ZNF69: variants seen among roughly 807,000 people sequenced by gnomAD.
The protein encoded by ZNF69 is zinc finger protein 69.
A neutral mutation model predicts 50.9 loss-of-function variants in ZNF69; 47 were observed. The observed-to-expected ratio is 0.92, with a 90% CI of 0.73 to 1.18. The LOEUF (loss-of-function observed/expected upper bound fraction) is 1.18. Ranked by LOEUF, ZNF69 falls within the 50% of genes most tolerant of loss-of-function variation. The pLI is 0.00. For missense variants in ZNF69, 717 were observed against 675.1 expected, an observed-to-expected ratio of 1.06 and a Z score of -0.69; for synonymous variants, 216 against 223.1, an observed-to-expected ratio of 0.97 and a Z score of 0.29.
chr19:11,942,233 C>T, the ZNF69 span, among the ~76,000 whole-genome samples: 3 of 151,066 alleles, frequency 2.0e-5, no homozygotes, highest in Admixed American at 2.0e-4. Flanking sequence ...GGGCTTTCCC[C>T]TGGACTTCCC....
the ZNF69 span, chr19:11,949,268 A>G: frequency 1.9e-6 from 3 of 1,614,178 alleles, no homozygotes; most frequent in Admixed American, 5.0e-5. Context: ...CACACTGGAG[A>G]GAAACCCTAT....
At chr19:11,967,180 A>G in the ZNF69 span, among the ~76,000 whole-genome samples, 3 of 152,126 alleles carry the variant, frequency 2.0e-5, no homozygotes, top group Non-Finnish European at 4.4e-5. Context: ...TCCAAAAATA[A>G]CAAAAATTAA....
the ZNF69 span, among the ~76,000 whole-genome samples, chr19:11,928,461 G>A: frequency 6.7e-6 from 1 of 149,770 alleles, no homozygotes; most frequent in Non-Finnish European, 1.5e-5. Flanking sequence ...GGCCGGGCGC[G>A]GTGGCTCACG....
the ZNF69 span, among the ~76,000 whole-genome samples, chr19:11,957,282 G>T: frequency 1.3e-4 from 20 of 151,564 alleles, no homozygotes; most frequent in African/African-American, 4.8e-4. Flanking sequence ...TTTTAGTAGA[G>T]ATGGGGTTTC....
At chr19:11,891,416 GGAAGGAAGGAA>G (rs1216091659) in intron 1 of ZNF69, among the ~76,000 whole-genome samples, 3 of 150,860 alleles carry the variant, frequency 2.0e-5, no homozygotes, top group Non-Finnish European at 4.4e-5. Context: ...AGGGAGGGAG[GGAAGGAAGGAA>G]GAAGGAAGGA....
chr19:11,902,331 T>C (rs557381230), intron 1 of ZNF69, among the ~76,000 whole-genome samples: 3 of 152,240 alleles, frequency 2.0e-5, no homozygotes, highest in Non-Finnish European at 2.9e-5. Flanking sequence ...TATATATGCT[T>C]ACCACATTTT....
chr19:11,905,291 C>G lies in ZNF69; in HGVS notation c.894C>G (p.His298Gln). Residue 298 changes from histidine to glutamine, a missense_variant, in exon 4 of 4, where the codon CAC (histidine) becomes CAG (glutamine). Transcript: ENST00000429654. ...PRCYRRHERI[H>Q]TGEKAYQCKE... ...GCTATCGTAGACATGAAAGGATTCACACGGGAGAGAAGGCTTATCAATGTA... is the reference window on the plus strand; with the variant it reads ...GCTATCGTAGACATGAAAGGATTCAGACGGGAGAGAAGGCTTATCAATGTA... 1 of 1,614,098 alleles carries G rather than the reference C, an allele frequency of 6.2e-7. No individual in the cohort carries two copies. The highest frequency in any genetic ancestry group is 8.5e-7 in the Non-Finnish European group (1 of 1,180,026).
the ZNF69 span, chr19:11,979,105 T>C: frequency 5.6e-6 from 9 of 1,613,802 alleles, no homozygotes; most frequent in South Asian, 9.9e-5. Flanking sequence ...AGAAAGACCT[T>C]ATAAATGTTA....
At chr19:11,971,133 C>G in the ZNF69 span, among the ~76,000 whole-genome samples, 1 of 152,064 alleles carries the variant, frequency 6.6e-6, no homozygotes, top group Non-Finnish European at 1.5e-5. Context: ...GACTGGGTAA[C>G]TTAAAGAATA....
At chr19:11,945,574 C>T in the ZNF69 span, among the ~76,000 whole-genome samples, 13 of 152,126 alleles carry the variant, frequency 8.5e-5, no homozygotes, top group African/African-American at 2.9e-4. Flanking sequence ...GGCTGGGCCC[C>T]AGGCTTAACT....
At chr19:11,917,199 T>G (rs1250358415), downstream of ZNF69, among the ~76,000 whole-genome samples, 1 of 152,214 alleles carries the variant, frequency 6.6e-6, no homozygotes, top group Non-Finnish European at 1.5e-5. Context: ...CATGGTTACA[T>G]AACTGCTTAG....
the ZNF69 span, chr19:11,978,507 A>G: frequency 1.9e-6 from 3 of 1,614,226 alleles, no homozygotes; most frequent in Non-Finnish European, 2.5e-6. Flanking sequence ...GGTAATGCAC[A>G]GTGGGGATGG....
chr19:11,965,010 G>T, the ZNF69 span: 2 of 585,426 alleles, frequency 3.4e-6, no homozygotes, highest in Non-Finnish European at 6.1e-6. Context: ...CCTGCCCATT[G>T]TTTATCCAGG....
chr19:11,918,674 C>T (rs960601295), downstream of ZNF69, among the ~76,000 whole-genome samples: 45 of 151,814 alleles, frequency 3.0e-4, no homozygotes, highest in African/African-American at 9.0e-4. Flanking sequence ...AGGCTGGTCT[C>T]GAACTCCCGG....
the ZNF69 span, among the ~76,000 whole-genome samples, chr19:11,940,393 G>A: frequency 6.6e-6 from 1 of 152,148 alleles, no homozygotes; most frequent in Non-Finnish European, 1.5e-5. Flanking sequence ...ATGTTTGGAT[G>A]TGTTCAGAGT....
chr19:11,965,910 G>T, the ZNF69 span, among the ~76,000 whole-genome samples: 1 of 152,274 alleles, frequency 6.6e-6, no homozygotes, highest in Admixed American at 6.5e-5. Flanking sequence ...GAAAGGGCGG[G>T]ACCTGTGGAA....
chr19:11,920,769 A>G, the ZNF69 span, among the ~76,000 whole-genome samples: 4 of 152,204 alleles, frequency 2.6e-5, no homozygotes, highest in African/African-American at 9.6e-5. Context: ...CCATTCTCAC[A>G]GTCACAGAAA....
At chr19:11,918,066 A>G, downstream of ZNF69, among the ~76,000 whole-genome samples, 1 of 152,074 alleles carries the variant, frequency 6.6e-6, no homozygotes, top group Admixed American at 6.6e-5. Context: ...GATTACAGGC[A>G]TGAGCCACCA....
the ZNF69 span, chr19:11,965,245 G>T: frequency 1.9e-6 from 3 of 1,613,606 alleles, no homozygotes; most frequent in Non-Finnish European, 1.7e-6. Flanking sequence ...CCGAGACGGG[G>T]TAGAGGCTGC....
Sources: allele counts gnomAD v4.1 joint callset (sites outside exome capture counted in the v4.1 genomes callset), GRCh38; gene constraint gnomAD v4.1.1; transcripts MANE v1.5; gene names NCBI Gene and HGNC (gene_info 2026-07-23, HGNC 2026-07-21).